Variants in UGGT2 observed in about 807,000 individuals in gnomAD.
The protein encoded by UGGT2 is UDP-glucose:glycoprotein glucosyltransferase 2.
A neutral mutation model predicts 192.1 loss-of-function variants in UGGT2; 180 were observed. That is an observed-to-expected ratio of 0.94 (90% CI 0.83 to 1.06). UGGT2 has a LOEUF of 1.06. Ranked by LOEUF, UGGT2 falls within the 50% of genes least tolerant of loss-of-function variation. The probability of loss-of-function intolerance (pLI) is 0.00; values close to 1 mark genes in which losing one functional copy is unlikely to be tolerated. For synonymous variants in UGGT2, 580 were observed against 591.0 expected (o/e 0.98, Z 0.27); for missense variants, 1,849 against 1,795.7 (o/e 1.03, Z -0.54).
chr13:95,866,487 C>G (rs563367119), intron 30 of UGGT2, among the ~76,000 whole-genome samples: 224 of 152,142 alleles, frequency 1.5e-3, no homozygotes, highest in Non-Finnish European at 2.8e-3. Context: ...CTTCCAGATA[C>G]CGCTATATCC....
Position 95,813,518 on chromosome 13 carries a change from G to A in UGGT2, c.4529-11706C>T, listed in dbSNP as rs1338130666. On this transcript the variant is annotated intron_variant, in intron 38 of 38. Coordinates refer to ENST00000376747, the MANE Select transcript of UGGT2 (RefSeq NM_020121.4). ...TGTTTCTAGCAAGCTATGCTCAGAT[G>A]TGGGAGTAAAGAAATGATTTAAAGT... Among the ~76,000 whole-genome samples, 3 of 152,300 alleles carry A rather than the reference G, an allele frequency of 2.0e-5. No homozygotes were observed. In the East Asian group the frequency reaches 5.8e-4, roughly 29 times the overall value.
At chr13:96,041,599 A>G (rs183966118) in intron 1 of UGGT2, among the ~76,000 whole-genome samples, 1 of 152,138 alleles carries the variant, frequency 6.6e-6, no homozygotes, top group Admixed American at 6.5e-5. Flanking sequence ...GCCTGGGGCA[A>G]GTTCTCAGCC....
At chr13:95,809,766 C>A (rs940181587) in intron 38 of UGGT2, among the ~76,000 whole-genome samples, 16 of 152,192 alleles carry the variant, frequency 1.1e-4, no homozygotes, top group Non-Finnish European at 4.4e-5. Context: ...CTTTTAAAAA[C>A]CAAACCTCAT....
rs1487604809 is a variant in UGGT2, at chr13:95,809,256, T to C, written c.4529-7444A>G. On this transcript the variant is annotated intron_variant, in intron 38 of 38. Coordinates refer to ENST00000376747, the MANE Select transcript of UGGT2 (RefSeq NM_020121.4). Reference sequence around the variant, plus strand: ...TAGTTGATAAAAATATTCCTCTGAATTGTACAAGAAGGGAGACAGGAACCA... The same window carrying C: ...TAGTTGATAAAAATATTCCTCTGAACTGTACAAGAAGGGAGACAGGAACCA... The C allele has an allele frequency of 2.4e-5, 14 of 574,460 alleles. No homozygotes were observed. The Admixed American group carries it at 2.7e-4, about 11-fold the overall frequency. The allele number at this position is 574,460 out of a possible 1,614,324, so 35.6% of individuals were successfully genotyped here.
chr13:95,947,772 A>G (rs941034895), intron 14 of UGGT2, among the ~76,000 whole-genome samples: 3 of 152,168 alleles, frequency 2.0e-5, no homozygotes, highest in African/African-American at 7.2e-5. Context: ...TTCCAGAGTG[A>G]TCAGATTATT....
At chr13:95,954,372 TCAGA>T (rs2140651290) in intron 12 of UGGT2, among the ~76,000 whole-genome samples, 1 of 151,034 alleles carries the variant, frequency 6.6e-6, no homozygotes, top group East Asian at 1.9e-4. Flanking sequence ...GAAGGGGGAG[TCAGA>T]CAGGCCTCAT....
Position 95,927,504 on chromosome 13 carries a change from A to G in UGGT2, c.1978-168T>C, listed in dbSNP as rs185620616. On this transcript the variant is annotated intron_variant, in intron 17 of 38. Transcript: ENST00000376747. ...TTTTTTTTTTATTCTTCAGTTTGGT[A>G]AACATTTAATGAGCTCTGTCTCAGG... Among the ~76,000 whole-genome samples the G allele has an allele frequency of 2.3e-3, 334 of 147,490 alleles. 5 individuals are homozygous for G. The highest frequency in any genetic ancestry group is 7.9e-3 in the African/African-American group (318 of 40,150).
intron 27 of UGGT2, among the ~76,000 whole-genome samples, chr13:95,884,097 CAA>C (rs2047577158): frequency 8.4e-5 from 9 of 107,698 alleles, no homozygotes; most frequent in Non-Finnish European, 1.8e-4. Context: ...CCAACAACAA[CAA>C]AACAATTTTG....
At chr13:95,818,094 C>T (rs1048476785) in intron 38 of UGGT2, among the ~76,000 whole-genome samples, 1 of 152,116 alleles carries the variant, frequency 6.6e-6, no homozygotes, top group Admixed American at 6.5e-5. Context: ...ATGGCTTGAG[C>T]CAGGGAGTTC....
intron 29 of UGGT2, among the ~76,000 whole-genome samples, chr13:95,873,817 C>T (rs765458816): frequency 2.0e-5 from 3 of 152,126 alleles, no homozygotes; most frequent in Non-Finnish European, 4.4e-5. Context: ...AGTGTCACCG[C>T]GATGATCAGG....
chr13:95,923,364 T>C (rs1340824469), intron 20 of UGGT2, among the ~76,000 whole-genome samples: 2 of 132,138 alleles, frequency 1.5e-5, no homozygotes, highest in Non-Finnish European at 3.2e-5. Context: ...TGGCTCAGCA[T>C]ATTCTTTTTT....
intron 29 of UGGT2, 43 bp from the exon 30 acceptor site, chr13:95,867,466 C>A: frequency 6.7e-7 from 1 of 1,490,574 alleles, no homozygotes; most frequent in Non-Finnish European, 9.2e-7. Context: ...TAAGAATAGA[C>A]ATACAATTAT....
rs2053544096 is a variant in UGGT2, at chr13:96,053,328, G to A, written c.-16C>T. On this transcript the variant is annotated 5_prime_UTR_variant, in exon 1 of 39. Coordinates refer to ENST00000376747, the MANE Select transcript of UGGT2 (RefSeq NM_020121.4). ...CTGGCGCCATGGCACGGAGAGAAAA[G>A]CGCGAGTCCCTCGGACCCGGTACCC... The A allele has an allele frequency of 6.3e-7, 1 of 1,579,886 alleles. No homozygotes were observed. Among genetic ancestry groups the A allele is most frequent in the South Asian group, 1.1e-5 (1 of 87,752 alleles).
At chr13:95,840,697 C>T (rs1212650449) in intron 36 of UGGT2, among the ~76,000 whole-genome samples, 6 of 152,222 alleles carry the variant, frequency 3.9e-5, no homozygotes, top group Non-Finnish European at 8.8e-5. Flanking sequence ...AATCCCACTA[C>T]TGGGTATATA....
chr13:95,876,668 G>T (rs1184799689), intron 29 of UGGT2, among the ~76,000 whole-genome samples: 4 of 152,122 alleles, frequency 2.6e-5, no homozygotes, highest in African/African-American at 7.2e-5. Flanking sequence ...TGCATGTAAT[G>T]TAAATTATCC....
intron 20 of UGGT2, among the ~76,000 whole-genome samples, chr13:95,909,394 C>T (rs1398956166): frequency 5.9e-5 from 9 of 151,556 alleles, no homozygotes; most frequent in Non-Finnish European, 8.8e-5. Flanking sequence ...AAATGTGGCA[C>T]GTATACACCA....
chr13:95,930,310 C>T (rs2049204767), intron 17 of UGGT2, among the ~76,000 whole-genome samples: 1 of 152,070 alleles, frequency 6.6e-6, no homozygotes, highest in Non-Finnish European at 1.5e-5. Flanking sequence ...GATGCAATTG[C>T]TTTTGAGATC....
intron 31 of UGGT2, among the ~76,000 whole-genome samples, chr13:95,862,587 A>G (rs1890260541): frequency 6.6e-6 from 1 of 152,138 alleles, no homozygotes; most frequent in Admixed American, 6.5e-5. Context: ...ATGCTGGGTT[A>G]TCAGAGTCAC....
rs759564380 is a variant in UGGT2 at position 96,048,869 on chromosome 13, C to T, written c.158+4286G>A. Among the ~76,000 whole-genome samples, 8 of 152,224 alleles carry T rather than the reference C, an allele frequency of 5.3e-5. No individual in the cohort carries two copies. In the South Asian group the frequency reaches 6.2e-4, roughly 12 times the overall value. ...CCTACCAAACAAAAAAAGTCCAGGA[C>T]CAGACAGATTCACAGCCAAATTGTA... On this transcript the variant is annotated intron_variant, in intron 1 of 38. Transcript: ENST00000376747.
Sources: allele counts gnomAD v4.1 joint callset (sites outside exome capture counted in the v4.1 genomes callset), GRCh38; gene constraint gnomAD v4.1.1; transcripts MANE v1.5; gene names NCBI Gene and HGNC (gene_info 2026-07-23, HGNC 2026-07-21).